NCKAP5: variants seen among roughly 807,000 people sequenced by gnomAD.
NCKAP5 encodes NCK associated protein 5.
A neutral mutation model predicts 167.0 loss-of-function variants in NCKAP5; 92 were observed. The observed-to-expected ratio is 0.55, with a 90% CI of 0.47 to 0.66. The LOEUF (loss-of-function observed/expected upper bound fraction) is 0.66. Ranked by LOEUF, NCKAP5 falls within the 30% of genes least tolerant of loss-of-function variation. The pLI is 0.00. For synonymous variants in NCKAP5, 891 were observed against 877.4 expected, an observed-to-expected ratio of 1.02 and a Z score of -0.27; for missense variants, 2,378 against 2,315.0, an observed-to-expected ratio of 1.03 and a Z score of -0.56.
At chr2:133,633,084 C>A in the NCKAP5 span, among the ~76,000 whole-genome samples, 1 of 152,140 alleles carries the variant, frequency 6.6e-6, no homozygotes, top group African/African-American at 2.4e-5. Context: ...CCTTTATTTT[C>A]TCTGTTACAT....
At chr2:133,100,323 T>C (rs1233746758) in intron 6 of NCKAP5, among the ~76,000 whole-genome samples, 2 of 152,208 alleles carry the variant, frequency 1.3e-5, no homozygotes, top group Admixed American at 1.3e-4. Context: ...ATCCATCCTA[T>C]TACTCTAAGT....
chr2:133,050,878 T>G, intron 6 of NCKAP5, among the ~76,000 whole-genome samples: 1 of 152,204 alleles, frequency 6.6e-6, no homozygotes, highest in East Asian at 1.9e-4. Context: ...TTGTCTCGAT[T>G]TTATCACCAA....
At chr2:133,207,396 T>C (rs1028537951) in intron 5 of NCKAP5, among the ~76,000 whole-genome samples, 1 of 152,194 alleles carries the variant, frequency 6.6e-6, no homozygotes, top group Non-Finnish European at 1.5e-5. Context: ...TACTGTCAAT[T>C]ATATTAATGA....
intron 11 of NCKAP5, among the ~76,000 whole-genome samples, chr2:132,841,012 T>C (rs145641823): frequency 4.9e-4 from 75 of 152,298 alleles, no homozygotes; most frequent in Middle Eastern, 3.4e-3. Context: ...ACTGAAATAC[T>C]GACTTTGTCA....
At chr2:133,019,156 T>C (rs920873892) in intron 6 of NCKAP5, among the ~76,000 whole-genome samples, 2 of 152,238 alleles carry the variant, frequency 1.3e-5, no homozygotes, top group Admixed American at 1.3e-4. Flanking sequence ...AAACTAGGAA[T>C]AACTTACTAA....
chr2:133,545,469 C>A (rs1188996835), intron 2 of NCKAP5, among the ~76,000 whole-genome samples: 1 of 152,072 alleles, frequency 6.6e-6, no homozygotes, highest in African/African-American at 2.4e-5. Context: ...ACAGGTATGA[C>A]CTCTAAAAAT....
chr2:133,588,627 T>G, the NCKAP5 span, among the ~76,000 whole-genome samples: 1 of 152,146 alleles, frequency 6.6e-6, no homozygotes, highest in Non-Finnish European at 1.5e-5. Flanking sequence ...AGGTCCCTAC[T>G]TTCAAGGAGC....
intron 3 of NCKAP5, among the ~76,000 whole-genome samples, chr2:133,387,240 G>A (rs552095846): frequency 3.0e-4 from 45 of 151,876 alleles, no homozygotes; most frequent in African/African-American, 1.0e-3. Flanking sequence ...GGGCAGGCCT[G>A]GTGGTGACAA....
chr2:133,584,992 AGGAG>A, the NCKAP5 span, among the ~76,000 whole-genome samples: 8 of 147,374 alleles, frequency 5.4e-5, no homozygotes, highest in Admixed American at 2.7e-4. Flanking sequence ...GAAGGAAGGA[AGGAG>A]GGAAAGAAAG....
chr2:133,365,595 GTCCCATGA>G, intron 3 of NCKAP5, among the ~76,000 whole-genome samples: 1 of 151,780 alleles, frequency 6.6e-6, no homozygotes, highest in South Asian at 2.1e-4. Flanking sequence ...AAAGACATAA[GTCCCATGA>G]AAATAAGGGT....
At chr2:133,125,873 T>G (rs1471186924) in intron 6 of NCKAP5, among the ~76,000 whole-genome samples, 1 of 152,208 alleles carries the variant, frequency 6.6e-6, no homozygotes, top group Admixed American at 6.5e-5. Context: ...TGCCTAAATT[T>G]GGACCATTTC....
At chr2:133,655,763 T>C in the NCKAP5 span, among the ~76,000 whole-genome samples, 3 of 152,330 alleles carry the variant, frequency 2.0e-5, no homozygotes. Context: ...TAGCAATAGA[T>C]GTTGGCAGCA....
intron 3 of NCKAP5, among the ~76,000 whole-genome samples, chr2:133,324,802 C>G (rs1318135167): frequency 1.3e-5 from 2 of 152,100 alleles, no homozygotes; most frequent in Non-Finnish European, 2.9e-5. Flanking sequence ...TCACTGCAAC[C>G]TTCACCGCCT....
intron 1 of NCKAP5, among the ~76,000 whole-genome samples, chr2:133,563,928 G>A (rs560640125): frequency 1.7e-4 from 26 of 152,168 alleles, no homozygotes; most frequent in African/African-American, 5.3e-4. Context: ...GAGGTCAGGA[G>A]TTTGAGACCA....
chr2:132,915,414 T>C (rs1051356864), intron 8 of NCKAP5: 1 of 152,168 alleles, frequency 6.6e-6, no homozygotes, highest in African/African-American at 2.4e-5. Flanking sequence ...AAATCCCACT[T>C]TGGGGCCCAG....
intron 11 of NCKAP5, among the ~76,000 whole-genome samples, chr2:132,800,235 C>A (rs943964947): frequency 1.3e-5 from 2 of 152,156 alleles, no homozygotes; most frequent in Non-Finnish European, 2.9e-5. Flanking sequence ...GGGGCAAATT[C>A]TCTATCATAT....
At chr2:133,005,514 C>T (rs1247276247) in intron 6 of NCKAP5, among the ~76,000 whole-genome samples, 1 of 152,154 alleles carries the variant, frequency 6.6e-6, no homozygotes, top group Non-Finnish European at 1.5e-5. Flanking sequence ...CAAATGTGTC[C>T]TTAAAAAGGT....
chr2:133,264,785 G>A (rs1008799448), intron 4 of NCKAP5, among the ~76,000 whole-genome samples: 2 of 152,220 alleles, frequency 1.3e-5, no homozygotes, highest in African/African-American at 4.8e-5. Flanking sequence ...GTAGAGACAG[G>A]TGCAGAAATT....
chr2:133,171,726 A>G (rs1574263320), intron 5 of NCKAP5, among the ~76,000 whole-genome samples: 1 of 152,360 alleles, frequency 6.6e-6, no homozygotes, highest in African/African-American at 2.4e-5. Flanking sequence ...ACCAGACAAC[A>G]ATAGATCCGC....
Sources: gnomAD v4.1 joint callset for allele counts (sites outside exome capture counted in the v4.1 genomes callset) on GRCh38, gnomAD v4.1.1 for gene constraint, MANE v1.5 for transcripts, NCBI Gene and HGNC (gene_info 2026-07-23, HGNC 2026-07-21) for gene names.